The following PIK3R4 variants were observed in gnomAD, a reference collection of about 807,000 sequenced individuals.
PIK3R4 encodes phosphoinositide 3-kinase regulatory subunit 4.
Under a neutral mutation model 136.5 loss-of-function variants are expected in PIK3R4, and 46 were observed. The ratio of observed to expected loss-of-function variants is 0.34; its 90% CI spans 0.27 to 0.43. PIK3R4 has a LOEUF of 0.43. PIK3R4 is among the 20% of genes least tolerant of loss of function. The pLI is 1.00. For missense variants in PIK3R4, 1,331 were observed against 1,649.5 expected (o/e 0.81, Z 3.35); for synonymous variants, 557 against 566.7 (o/e 0.98, Z 0.24).
intron 13 of PIK3R4, among the ~76,000 whole-genome samples, chr3:130,701,758 A>C (rs1014538588): frequency 1.3e-5 from 2 of 152,104 alleles, no homozygotes; most frequent in Non-Finnish European, 2.9e-5. Context: ...AGAGCTATAA[A>C]TATTGAAATC....
chr3:130,703,898 A>C lies in PIK3R4; in HGVS notation c.2933-10T>G. 6.3e-7 allele frequency: 1 copy of C among 1,599,154 alleles called. No homozygotes were observed. Among genetic ancestry groups the C allele is most frequent in the Non-Finnish European group, 8.6e-7 (1 of 1,168,372 alleles). ...CCTTTAGGACGCCATCCTAAGGAAAAGCAAAGGAGTGTATCATAAACTGTA... is the reference window on the plus strand; with the variant it reads ...CCTTTAGGACGCCATCCTAAGGAAACGCAAAGGAGTGTATCATAAACTGTA... On this transcript the variant is annotated splice_polypyrimidine_tract_variant and intron_variant, in intron 12 of 19. Transcript: ENST00000356763.
chr3:130,684,670 C>A (rs1485020394), intron 15 of PIK3R4, among the ~76,000 whole-genome samples: 1 of 152,214 alleles, frequency 6.6e-6, no homozygotes, highest in Non-Finnish European at 1.5e-5. Flanking sequence ...TTGCCGAAGG[C>A]ACCCACAAAA....
At chr3:130,718,040 A>G in intron 8 of PIK3R4, among the ~76,000 whole-genome samples, 1 of 152,228 alleles carries the variant, frequency 6.6e-6, no homozygotes, top group Non-Finnish European at 1.5e-5. Flanking sequence ...AACTGGATGC[A>G]ATCAGTTATA....
At chr3:130,683,948 C>T in intron 16 of PIK3R4, among the ~76,000 whole-genome samples, 1 of 152,024 alleles carries the variant, frequency 6.6e-6, no homozygotes. Context: ...GTCAAGGTTT[C>T]TAACTTAGCT....
chr3:130,736,004 TG>T lies in PIK3R4; in HGVS notation c.734-3del. On this transcript the variant is annotated splice_polypyrimidine_tract_variant and splice_region_variant and intron_variant, in intron 2 of 19. Coordinates refer to ENST00000356763, the MANE Select transcript of PIK3R4 (RefSeq NM_014602.3). ...TAAAAAGCTCAGCTATCACACAACC[TG>T]AAAAATAGCAGGTATAATTCTGTTA... is the stretch of plus-strand genomic sequence containing the variant. The T allele has an allele frequency of 1.2e-6, 2 of 1,602,464 alleles. No homozygotes were observed. Among genetic ancestry groups the T allele is most frequent in the Non-Finnish European group, 1.7e-6 (2 of 1,174,830 alleles).
At chr3:130,700,786 T>C (rs920243591) in intron 13 of PIK3R4, among the ~76,000 whole-genome samples, 34 of 152,202 alleles carry the variant, frequency 2.2e-4, no homozygotes, top group African/African-American at 7.2e-4. Context: ...CAATAAGAAT[T>C]GCTTCCTTCT....
intron 6 of PIK3R4, among the ~76,000 whole-genome samples, chr3:130,724,986 A>AACAAT (rs1559828388): frequency 6.6e-6 from 1 of 151,994 alleles, no homozygotes; most frequent in African/African-American, 2.4e-5. Context: ...TTCATACATT[A>AACAAT]TACATTTTGA....
chr3:130,693,154 A>T (rs549183146), intron 13 of PIK3R4, among the ~76,000 whole-genome samples: 2 of 152,348 alleles, frequency 1.3e-5, no homozygotes, highest in East Asian at 3.9e-4. Context: ...ACATTATAGC[A>T]TGTAGCAGTA....
intron 2 of PIK3R4, among the ~76,000 whole-genome samples, chr3:130,741,963 G>A (rs189069240): frequency 6.6e-5 from 10 of 152,194 alleles, no homozygotes; most frequent in African/African-American, 2.2e-4. Flanking sequence ...GTACAACAAC[G>A]TACAACAAAA....
chr3:130,710,426 T>C (rs1432306162), intron 9 of PIK3R4, among the ~76,000 whole-genome samples: 1 of 152,118 alleles, frequency 6.6e-6, no homozygotes, highest in Non-Finnish European at 1.5e-5. Flanking sequence ...AGGATTTCCT[T>C]AATCTGTTCA....
chr3:130,682,026 C>A (rs1407762909), intron 16 of PIK3R4, among the ~76,000 whole-genome samples: 2 of 152,156 alleles, frequency 1.3e-5, no homozygotes, highest in Non-Finnish European at 2.9e-5. Context: ...CCTGAATGAA[C>A]CACATCAACA....
rs758193124 is a variant in PIK3R4 at position 130,679,445 on chromosome 3, G to A, written c.3947C>T (p.Thr1316Ile). ...CAGGGACTCTGGGCCCCTTCGAGGGGTGTCATCACTTGGTCCTACTTTCTG... is the reference window on the plus strand; with the variant it reads ...CAGGGACTCTGGGCCCCTTCGAGGGATGTCATCACTTGGTCCTACTTTCTG... ...NKQKVGPSDD[T>I]PRRGPESLPV... Residue 1316 changes from threonine (T) to isoleucine (I), a missense_variant, in exon 20 of 20, where the codon ACC (threonine) becomes ATC (isoleucine). This residue lies in a region of PIK3R4 where 1,180 missense variants were observed against 1,407.0 expected (regional missense o/e 0.84). Coordinates refer to ENST00000356763, the MANE Select transcript of PIK3R4 (RefSeq NM_014602.3). 5.0e-6 allele frequency: 8 copies of A among 1,612,732 alleles called. No homozygotes were observed. The highest frequency in any genetic ancestry group is 6.8e-6 in the Non-Finnish European group (8 of 1,179,014).
At position 130,679,270 on chromosome 3, in the gene PIK3R4, A is replaced by G; in HGVS notation, c.*45T>C. On this transcript the variant is annotated 3_prime_UTR_variant, in exon 20 of 20. Coordinates refer to ENST00000356763, the MANE Select transcript of PIK3R4 (RefSeq NM_014602.3). Reference sequence around the variant, plus strand: ...CTAGAAATGCCTTTTCTCGAGTTATAGTATTATATTTATAACTATTAAAAT... The same window carrying G: ...CTAGAAATGCCTTTTCTCGAGTTATGGTATTATATTTATAACTATTAAAAT... 8.4e-7 allele frequency: 1 copy of G among 1,190,530 alleles called. No individual in the cohort carries two copies. Among genetic ancestry groups the G allele is most frequent in the African/African-American group, 1.6e-5 (1 of 64,046 alleles). 73.7% of individuals were successfully genotyped at this position (1,190,530 alleles called of 1,614,324 possible).
chr3:130,736,679 T>G (rs2066787623), intron 2 of PIK3R4, among the ~76,000 whole-genome samples: 3 of 152,254 alleles, frequency 2.0e-5, no homozygotes, highest in South Asian at 4.1e-4. Context: ...TTTTCAAGTA[T>G]GGACTTACAG....
chr3:130,744,347 G>T, intron 2 of PIK3R4, 139 bp downstream of exon 2: 1 of 857,240 alleles, frequency 1.2e-6, no homozygotes, highest in Non-Finnish European at 1.8e-6. Flanking sequence ...CAGGAATGCT[G>T]CCTCTAACTG....
At chr3:130,701,429 T>C (rs1232091340) in intron 13 of PIK3R4, among the ~76,000 whole-genome samples, 2 of 151,848 alleles carry the variant, frequency 1.3e-5, no homozygotes, top group Non-Finnish European at 2.9e-5. Flanking sequence ...GGAGAATCAC[T>C]TGAACCCAGG....
chr3:130,707,042 G>T lies in PIK3R4; in HGVS notation c.2627C>A (p.Pro876His). The change falls in exon 11 of 20, where the codon CCT (proline) becomes CAT (histidine). Residue 876 changes from proline (P) to histidine (H), a missense_variant. Physicochemically the swap from Pro to His is moderately conservative, Grantham distance 77. This residue lies in a region of PIK3R4 where 1,180 missense variants were observed against 1,407.0 expected (regional missense o/e 0.84). Coordinates refer to ENST00000356763, the MANE Select transcript of PIK3R4 (RefSeq NM_014602.3). ...AATCACCTCCTGATCACTCCCTTTAGGTAGGGCCTGTGGCATGTTTGGTGG... is the reference window on the plus strand; with the variant it reads ...AATCACCTCCTGATCACTCCCTTTATGTAGGGCCTGTGGCATGTTTGGTGG... ...LDPPNMPQALPKGSDQEVIQT... is the reference protein window; with the variant it reads ...LDPPNMPQALHKGSDQEVIQT... 1 of 1,612,962 alleles carries T rather than the reference G, an allele frequency of 6.2e-7. No individual in the cohort carries two copies. The highest frequency in any genetic ancestry group is 8.5e-7 in the Non-Finnish European group (1 of 1,179,514).
At chr3:130,739,921 A>C (rs1559831754) in intron 2 of PIK3R4, among the ~76,000 whole-genome samples, 1 of 152,186 alleles carries the variant, frequency 6.6e-6, no homozygotes, top group Non-Finnish European at 1.5e-5. Flanking sequence ...AATGAGAAAC[A>C]TCCTATCAAA....
chr3:130,738,542 C>T (rs1188142956), intron 2 of PIK3R4, among the ~76,000 whole-genome samples: 1 of 152,096 alleles, frequency 6.6e-6, no homozygotes, highest in Non-Finnish European at 1.5e-5. Context: ...AGCAAAGTGT[C>T]AAAGACAATC....
Sources: allele counts gnomAD v4.1 joint callset (sites outside exome capture counted in the v4.1 genomes callset), GRCh38; gene constraint gnomAD v4.1.1; regional missense constraint gnomAD v4.1.1; transcripts MANE v1.5; gene names NCBI Gene and HGNC (gene_info 2026-07-23, HGNC 2026-07-21).